The following EPHA6 variants were observed in gnomAD, a reference collection of about 807,000 sequenced individuals.
EPHA6 encodes ephrin type-A receptor 6.
Under a neutral mutation model 112.0 loss-of-function variants are expected in EPHA6, and 50 were observed. That is an observed-to-expected ratio of 0.45 (90% CI 0.36 to 0.56). The LOEUF (loss-of-function observed/expected upper bound fraction) is 0.56. EPHA6 is among the 20% of genes least tolerant of loss of function. The pLI, the probability that EPHA6 is intolerant of heterozygous loss-of-function variation, is 0.00. For missense variants in EPHA6, 1,280 were observed against 1,417.4 expected (o/e 0.90, Z 1.56); for synonymous variants, 529 against 490.7 (o/e 1.08, Z -1.03).
At chr3:96,817,656 A>C (rs1281768350) in intron 1 of EPHA6, among the ~76,000 whole-genome samples, 1 of 151,952 alleles carries the variant, frequency 6.6e-6, no homozygotes, top group Non-Finnish European at 1.5e-5. Flanking sequence ...CTTCCTGATT[A>C]AAGATATTCA....
chr3:97,034,591 A>G (rs1443746396), intron 3 of EPHA6, among the ~76,000 whole-genome samples: 3 of 151,902 alleles, frequency 2.0e-5, no homozygotes, highest in Non-Finnish European at 2.9e-5. Flanking sequence ...TTAAAACATC[A>G]AGAACTCAGT....
chr3:97,036,155 G>A (rs1266890230), intron 3 of EPHA6, among the ~76,000 whole-genome samples: 1 of 151,890 alleles, frequency 6.6e-6, no homozygotes, highest in Non-Finnish European at 1.5e-5. Flanking sequence ...TTGTTTATAA[G>A]CCACCCAGCC....
intron 5 of EPHA6, among the ~76,000 whole-genome samples, chr3:97,351,326 A>T (rs1020667125): frequency 2.0e-5 from 3 of 152,210 alleles, no homozygotes; most frequent in Non-Finnish European, 4.4e-5. Context: ...TGCTTATAAA[A>T]CAGTGACTAA....
intron 2 of EPHA6, among the ~76,000 whole-genome samples, chr3:96,985,306 T>C (rs2042977456): frequency 6.6e-6 from 1 of 152,200 alleles, no homozygotes; most frequent in African/African-American, 2.4e-5. Flanking sequence ...TAATTATAAA[T>C]ATATTCAAAA....
At chr3:97,092,086 G>GTTT (rs150570462) in intron 3 of EPHA6, among the ~76,000 whole-genome samples, 73 of 129,234 alleles carry the variant, frequency 5.6e-4, no homozygotes, top group Non-Finnish European at 1.1e-3. Context: ...GGTTAACAAG[G>GTTT]TTTTTTTTTT....
At chr3:97,676,208 T>C (rs1176325834) in intron 14 of EPHA6, among the ~76,000 whole-genome samples, 2 of 150,658 alleles carry the variant, frequency 1.3e-5, no homozygotes, top group East Asian at 2.0e-4. Flanking sequence ...ATGAGGAGAG[T>C]AGTGCTGGGG....
chr3:97,271,596 G>A (rs2079883333), intron 5 of EPHA6, among the ~76,000 whole-genome samples: 1 of 152,222 alleles, frequency 6.6e-6, no homozygotes, highest in Admixed American at 6.5e-5. Flanking sequence ...GACCTCAGGT[G>A]ATCTGCCCGC....
chr3:97,611,089 T>G (rs1445134335), intron 13 of EPHA6, among the ~76,000 whole-genome samples: 1 of 151,754 alleles, frequency 6.6e-6, no homozygotes, highest in African/African-American at 2.4e-5. Flanking sequence ...TTGCTATATG[T>G]GTGTGTATAT....
chr3:97,229,470 A>C (rs1451290049), intron 4 of EPHA6, among the ~76,000 whole-genome samples: 4 of 152,156 alleles, frequency 2.6e-5, no homozygotes, highest in Admixed American at 6.5e-5. Context: ...TTTATTGAAT[A>C]GGGTGTCCTT....
At chr3:97,534,342 G>A (rs372172029) in intron 11 of EPHA6, among the ~76,000 whole-genome samples, 14 of 151,922 alleles carry the variant, frequency 9.2e-5, no homozygotes, top group Middle Eastern at 3.4e-3. Flanking sequence ...TACATTTTAT[G>A]TATGAGAAAC....
At chr3:97,115,584 G>A (rs1376900353) in intron 3 of EPHA6, among the ~76,000 whole-genome samples, 1 of 151,720 alleles carries the variant, frequency 6.6e-6, no homozygotes, top group Non-Finnish European at 1.5e-5. Context: ...CATAAATATG[G>A]AGGCTTCAGC....
At chr3:97,165,291 C>A (rs982277198) in intron 3 of EPHA6, among the ~76,000 whole-genome samples, 5 of 152,094 alleles carry the variant, frequency 3.3e-5, no homozygotes, top group African/African-American at 1.2e-4. Context: ...CCTTTCTATT[C>A]TCTTAAATTC....
At chr3:97,478,060 A>T (rs1456473484) in intron 8 of EPHA6, among the ~76,000 whole-genome samples, 1 of 152,044 alleles carries the variant, frequency 6.6e-6, no homozygotes, top group Non-Finnish European at 1.5e-5. Context: ...TTATGGAGGG[A>T]GTAATTTCTT....
At chr3:97,483,514 A>T (rs1454155584) in intron 9 of EPHA6, among the ~76,000 whole-genome samples, 1 of 152,216 alleles carries the variant, frequency 6.6e-6, no homozygotes, top group Admixed American at 6.5e-5. Flanking sequence ...TGAGTTCATG[A>T]AACCTAGTGC....
At chr3:97,454,671 A>C (rs1241412299) in intron 7 of EPHA6, among the ~76,000 whole-genome samples, 1 of 151,832 alleles carries the variant, frequency 6.6e-6, no homozygotes, top group Non-Finnish European at 1.5e-5. Flanking sequence ...TAAAATGACG[A>C]TTTTGTTGTT....
intron 3 of EPHA6, among the ~76,000 whole-genome samples, chr3:97,143,902 A>G (rs1450266311): frequency 6.6e-6 from 1 of 151,740 alleles, no homozygotes; most frequent in African/African-American, 2.4e-5. Flanking sequence ...AAAATAAAAC[A>G]AAGGTTTTTA....
intron 14 of EPHA6, among the ~76,000 whole-genome samples, chr3:97,647,167 C>G (rs911180735): frequency 6.6e-6 from 1 of 152,078 alleles, no homozygotes; most frequent in African/African-American, 2.4e-5. Flanking sequence ...AGCAAGAAAG[C>G]AAAGAGAGCT....
At chr3:97,541,761 T>TTTG (rs3033945) in intron 11 of EPHA6, among the ~76,000 whole-genome samples, 41,617 of 148,246 alleles carry the variant, frequency 0.28, 9,447 homozygotes, top group African/African-American at 0.62. Context: ...TTTAAAGAAG[T>TTTG]TTGTTGTTGT....
rs111819885 is a variant in EPHA6 at position 96,917,707 on chromosome 3, A to G, written c.450+50818A>G. On this transcript the variant is annotated intron_variant, in intron 2 of 17. Transcript: ENST00000389672. ...CTAAAAGCACCCAGAAGCAAAGGCAAAGAATCCACCCAACATTCATTACAC... is the reference window on the plus strand; with the variant it reads ...CTAAAAGCACCCAGAAGCAAAGGCAGAGAATCCACCCAACATTCATTACAC... Among the ~76,000 whole-genome samples the G allele has an allele frequency of 2.1e-3, 317 of 152,204 alleles. 2 individuals are homozygous for G. The highest frequency in any genetic ancestry group is 7.3e-3 in the African/African-American group (304 of 41,548).
Sources: gnomAD v4.1 joint callset for allele counts (sites outside exome capture counted in the v4.1 genomes callset) on GRCh38, gnomAD v4.1.1 for gene constraint, MANE v1.5 for transcripts, NCBI Gene and HGNC (gene_info 2026-07-23, HGNC 2026-07-21) for gene names.